TIAM2: variants seen among roughly 807,000 people sequenced by gnomAD.
TIAM2 encodes the protein rho guanine nucleotide exchange factor TIAM2.
In TIAM2, 80 loss-of-function variants were observed where a neutral mutation model predicts 152.9. The observed-to-expected ratio is 0.52, with a 90% CI of 0.44 to 0.63. TIAM2 has a LOEUF of 0.63. Ranked by LOEUF, TIAM2 falls within the 30% of genes least tolerant of loss-of-function variation. The pLI, the probability that TIAM2 is intolerant of heterozygous loss-of-function variation, is 0.00. For missense variants in TIAM2, 1,965 were observed against 2,120.1 expected (o/e 0.93, Z 1.44); for synonymous variants, 804 against 838.0 (o/e 0.96, Z 0.70).
At chr6:155,041,734 T>A (rs12662381) in intron 1 of TIAM2, among the ~76,000 whole-genome samples, 37,352 of 152,172 alleles carry the variant, frequency 0.25, 4,665 homozygotes, top group Middle Eastern at 0.29. Context: ...CTTTAGTTAA[T>A]ATATGAAAAA....
chr6:155,093,598 C>A (rs138492981), intron 2 of TIAM2, among the ~76,000 whole-genome samples: 1 of 152,156 alleles, frequency 6.6e-6, no homozygotes, highest in East Asian at 1.9e-4. Context: ...TTGGGTTTCA[C>A]GTGAGGAAGA....
rs544845842 is a variant in TIAM2 at position 155,061,202 on chromosome 6, T to A, written c.-208-29087T>A. ...ATCCATGTGTACACACATTTATATC[T>A]GTGTGTCTATCTCTCAATCAAAATA... On this transcript the variant is annotated intron_variant, in intron 1 of 26. Coordinates refer to ENST00000682666, the MANE Select transcript of TIAM2 (RefSeq NM_012454.4). 2.5e-3 allele frequency among the ~76,000 whole-genome samples: 385 copies of A among 152,332 alleles called. 3 individuals are homozygous for A. Among genetic ancestry groups the A allele is most frequent in the Non-Finnish European group, 4.0e-3 (270 of 68,020 alleles).
chr6:155,137,021 A>G (rs910466425), intron 4 of TIAM2, among the ~76,000 whole-genome samples, 156 bp from the exon 5 acceptor site: 2 of 152,250 alleles, frequency 1.3e-5, no homozygotes, highest in African/African-American at 2.4e-5. Flanking sequence ...TCTTTCTGGT[A>G]TGAAGACTTG....
intron 6 of TIAM2, among the ~76,000 whole-genome samples, chr6:155,146,317 G>T (rs1352161597): frequency 2.0e-5 from 3 of 152,148 alleles, no homozygotes; most frequent in African/African-American, 7.2e-5. Flanking sequence ...GGAGGTCAAG[G>T]TTACAATGAG....
intron 7 of TIAM2, among the ~76,000 whole-genome samples, chr6:155,159,073 C>T (rs1780198192): frequency 6.6e-6 from 1 of 152,036 alleles, no homozygotes; most frequent in Non-Finnish European, 1.5e-5. Flanking sequence ...TTCCTTTACC[C>T]TTTAAAATAT....
chr6:155,256,695 T>C lies in TIAM2; in HGVS notation c.4680T>C (p.Asn1560=). 1 of 1,614,074 alleles carries C rather than the reference T, an allele frequency of 6.2e-7. No individual in the cohort carries two copies. The highest frequency in any genetic ancestry group is 8.5e-7 in the Non-Finnish European group (1 of 1,180,018). ...CCGGCTTGGCAGATTTTGCCGACAA[T>C]CTCATCAAAGAGAGTGACATCCTGA... ...PHPGLADFAD[N]LIKESDILSD... is the part of the protein sequence containing the mutation. The change falls in exon 27 of 27, where the codon AAT becomes AAC. Residue 1560 remains asparagine, a synonymous_variant. Transcript: ENST00000682666.
chr6:155,028,202 TA>T (rs1776663292), intron 1 of TIAM2, among the ~76,000 whole-genome samples: 1 of 127,578 alleles, frequency 7.8e-6, no homozygotes, highest in Admixed American at 8.5e-5. Flanking sequence ...ATACTACATA[TA>T]ATATATGTAC....
intron 15 of TIAM2, among the ~76,000 whole-genome samples, chr6:155,224,633 A>G (rs1179226181): frequency 1.3e-5 from 2 of 152,236 alleles, no homozygotes; most frequent in African/African-American, 4.8e-5. Context: ...TCCCTCTTTC[A>G]TCCTTTCGTT....
intron 1 of TIAM2, among the ~76,000 whole-genome samples, chr6:155,060,736 A>G (rs1225241396): frequency 6.6e-6 from 1 of 152,046 alleles, no homozygotes; most frequent in Non-Finnish European, 1.5e-5. Flanking sequence ...TCTCTACTAA[A>G]AATACAAAAT....
intron 2 of TIAM2, among the ~76,000 whole-genome samples, chr6:155,094,725 T>G (rs892261431): frequency 9.2e-5 from 10 of 109,004 alleles, no homozygotes; most frequent in African/African-American, 2.5e-4. Flanking sequence ...ATATCTATGG[T>G]TTTTTTTTTT....
chr6:155,101,504 C>T (rs1445995875), intron 2 of TIAM2, among the ~76,000 whole-genome samples: 2 of 152,112 alleles, frequency 1.3e-5, no homozygotes, highest in African/African-American at 4.8e-5. Flanking sequence ...TTTTTAATCT[C>T]TACTTATGAT....
At position 155,203,916 on chromosome 6, in the gene TIAM2, G is replaced by A. The variant is rs539767679; in HGVS notation, c.3065-7288G>A. Among the ~76,000 whole-genome samples, 8 of 152,288 alleles carry A rather than the reference G, an allele frequency of 5.3e-5. No homozygotes were observed. The East Asian group carries it at 9.6e-4, about 18-fold the overall frequency. The stretch of plus-strand genomic sequence containing the variant: ...TTGATTCTCTTAGAGGTAAAGTTGA[G>A]GTCCTGGCCACGGGGAGGGGCAGAG... On this transcript the variant is annotated intron_variant, in intron 14 of 26. Transcript: ENST00000682666.
At chr6:155,164,226 C>T (rs776006713) in intron 7 of TIAM2, among the ~76,000 whole-genome samples, 189 bp from the exon 8 acceptor site, 4 of 149,582 alleles carry the variant, frequency 2.7e-5, no homozygotes, top group South Asian at 4.2e-4. Context: ...CTGCCTGCCT[C>T]GCTTTCCAAA....
At position 154,995,697 on chromosome 6, in the gene TIAM2, G is replaced by GTC. The variant is rs1157148498; in HGVS notation, c.-209+205_-209+206insTC. On this transcript the variant is annotated intron_variant, in intron 1 of 26. Transcript: ENST00000682666. This position sits in a 1 kb window ranked among gnomAD's most constrained non-coding sequence, Gnocchi z 5.2. ...GCGGCCTGGCACCCTCTCCCCGGAG[G>GTC]GCGGCAGCGTCCGGGCACAGCCTGG... 6.6e-6 allele frequency among the ~76,000 whole-genome samples: 1 copy of GTC among 152,068 alleles called. No homozygotes were observed. Among genetic ancestry groups the GTC allele is most frequent in the Admixed American group, 6.5e-5 (1 of 15,282 alleles).
At chr6:155,025,095 C>T (rs1464103653) in intron 1 of TIAM2, among the ~76,000 whole-genome samples, 4 of 152,028 alleles carry the variant, frequency 2.6e-5, no homozygotes, top group African/African-American at 4.8e-5. Flanking sequence ...GGCATGATCT[C>T]GGCTCACTGC....
rs191933566 is a variant in TIAM2, at chr6:155,198,820, C to A, written c.3065-12384C>A. On this transcript the variant is annotated intron_variant, in intron 14 of 26. Coordinates refer to ENST00000682666, the MANE Select transcript of TIAM2 (RefSeq NM_012454.4). ...CTGATGCAAGGGAATGGTGCCGAGA[C>A]TTTCTTGAGCCGAGGTCTCCATCAG... Among the ~76,000 whole-genome samples, 684 of 152,224 alleles carry A rather than the reference C, an allele frequency of 4.5e-3. 4 individuals are homozygous for A. Among genetic ancestry groups the A allele is most frequent in the African/African-American group, 0.016 (665 of 41,528 alleles).
chr6:155,010,489 C>T (rs1386305449), intron 1 of TIAM2, among the ~76,000 whole-genome samples: 1 of 152,056 alleles, frequency 6.6e-6, no homozygotes, highest in African/African-American at 2.4e-5. Context: ...GAGTTTCGCT[C>T]TTGTTGCCCA....
At chr6:155,044,598 T>G (rs1172688784) in intron 1 of TIAM2, among the ~76,000 whole-genome samples, 3 of 152,056 alleles carry the variant, frequency 2.0e-5, no homozygotes, top group Non-Finnish European at 4.4e-5. Context: ...GGGTGGATCA[T>G]GAGGTCAGGA....
rs554787099 is a variant in TIAM2 at position 155,213,054 on chromosome 6, C to A, written c.3168+1747C>A. ...GGTTCTGGGAACTCCTAGGTCTGGGCTCCCTGAAGGGCTGCAGCTCTTCTC... is the reference window on the plus strand; with the variant it reads ...GGTTCTGGGAACTCCTAGGTCTGGGATCCCTGAAGGGCTGCAGCTCTTCTC... On this transcript the variant is annotated intron_variant, in intron 15 of 26. Coordinates refer to ENST00000682666, the MANE Select transcript of TIAM2 (RefSeq NM_012454.4). This position sits in a 1 kb window ranked among gnomAD's most constrained non-coding sequence, Gnocchi z 4.2. Among the ~76,000 whole-genome samples, 16 of 152,318 alleles carry A rather than the reference C, an allele frequency of 1.1e-4. No individual in the cohort carries two copies. The highest frequency in any genetic ancestry group is 6.5e-4 in the Admixed American group (10 of 15,306).
Sources: allele counts gnomAD v4.1 joint callset (sites outside exome capture counted in the v4.1 genomes callset), GRCh38; gene constraint gnomAD v4.1.1; non-coding constraint Gnocchi (gnomAD v3.1); transcripts MANE v1.5; gene names NCBI Gene and HGNC (gene_info 2026-07-23, HGNC 2026-07-21).